Variants in SATB2 observed in about 807,000 individuals in gnomAD.
SATB2 encodes SATB homeobox 2, also known as DNA-binding protein SATB2.
A neutral mutation model predicts 73.4 loss-of-function variants in SATB2; 1 was observed. That is an observed-to-expected ratio of 0.01 (90% CI 0.00 to 0.06). The LOEUF (loss-of-function observed/expected upper bound fraction) is 0.06, where lower values mean the gene tolerates loss of function less well. Ranked by LOEUF, SATB2 falls within the 10% of genes least tolerant of loss-of-function variation. The pLI, the probability that SATB2 is intolerant of heterozygous loss-of-function variation, is 1.00. For missense variants in SATB2, 459 were observed against 945.8 expected (o/e 0.49, Z 6.75); for synonymous variants, 397 against 367.0 (o/e 1.08, Z -0.93).
At chr2:199,386,714 GCGCACACACACACA>G (rs1433283367) in intron 3 of SATB2, among the ~76,000 whole-genome samples, 1,418 of 22,418 alleles carry the variant, frequency 0.063, 15 homozygotes, top group Non-Finnish European at 0.074. Flanking sequence ...GCGCGCGCGC[GCGCACACACACACA>G]CACACACACA....
At chr2:199,288,397 A>T (rs1302838041) in intron 10 of SATB2, among the ~76,000 whole-genome samples, 1 of 152,216 alleles carries the variant, frequency 6.6e-6, no homozygotes, top group African/African-American at 2.4e-5. Flanking sequence ...CAGGGCTTCA[A>T]TTATTTAAGG....
chr2:199,394,176 C>T (rs1032353873), intron 3 of SATB2, among the ~76,000 whole-genome samples: 16 of 152,130 alleles, frequency 1.1e-4, no homozygotes, highest in African/African-American at 3.6e-4. Context: ...TATACCTGCA[C>T]AAATAAGTAA....
intron 8 of SATB2, among the ~76,000 whole-genome samples, chr2:199,327,212 G>C (rs552386673): frequency 1.2e-4 from 18 of 152,240 alleles, no homozygotes; most frequent in Non-Finnish European, 2.1e-4. Context: ...GGCCGAGGTG[G>C]GCAGATTACT....
chr2:199,327,465 C>T (rs1450528693), intron 8 of SATB2, among the ~76,000 whole-genome samples: 2 of 152,010 alleles, frequency 1.3e-5, no homozygotes, highest in Admixed American at 6.6e-5. Flanking sequence ...AAAATTTATA[C>T]CTGTTAAATA....
intron 10 of SATB2, among the ~76,000 whole-genome samples, chr2:199,283,193 C>A (rs1161865932): frequency 1.3e-5 from 2 of 151,238 alleles, no homozygotes; most frequent in African/African-American, 4.9e-5. Flanking sequence ...ACGCCATTCT[C>A]CTGCCTCAGC....
chr2:199,337,804 T>C (rs1294143872), intron 7 of SATB2, among the ~76,000 whole-genome samples: 1 of 152,218 alleles, frequency 6.6e-6, no homozygotes, highest in Non-Finnish European at 1.5e-5. Context: ...TTCTGGCCTT[T>C]AAACTTCCTT....
intron 2 of SATB2, among the ~76,000 whole-genome samples, chr2:199,453,052 G>A (rs932951104): frequency 5.9e-5 from 9 of 151,982 alleles, no homozygotes; most frequent in Admixed American, 4.6e-4. Flanking sequence ...CTAAAGTAAT[G>A]CCCCTTCTTT....
intron 5 of SATB2, among the ~76,000 whole-genome samples, chr2:199,374,687 G>A (rs1161849111): frequency 1.3e-5 from 2 of 152,198 alleles, no homozygotes; most frequent in African/African-American, 2.4e-5. Context: ...TTTCAGGCTA[G>A]GTGCAATGGC....
At chr2:199,446,335 C>T (rs907595667) in intron 2 of SATB2, among the ~76,000 whole-genome samples, 1 of 152,168 alleles carries the variant, frequency 6.6e-6, no homozygotes, top group Non-Finnish European at 1.5e-5. Context: ...AATACCAAAG[C>T]ACTATTTTGC....
intron 2 of SATB2, among the ~76,000 whole-genome samples, chr2:199,453,688 T>C (rs1269868250): frequency 6.6e-6 from 1 of 152,062 alleles, no homozygotes; most frequent in African/African-American, 2.4e-5. Context: ...CATTTGGAAA[T>C]TATATAAACT....
chr2:199,409,269 A>G (rs1244195925), intron 3 of SATB2, among the ~76,000 whole-genome samples: 3 of 143,442 alleles, frequency 2.1e-5, no homozygotes, highest in Non-Finnish European at 4.5e-5. Flanking sequence ...TCCCGGGTTC[A>G]AGCAATTCTC....
At chr2:199,309,094 C>G in intron 9 of SATB2, 137 bp from the exon 10 acceptor site, 1 of 775,446 alleles carries the variant, frequency 1.3e-6, no homozygotes, top group East Asian at 2.7e-5. Context: ...GATAGTGAAA[C>G]AGTCTGACTC....
chr2:199,442,988 T>C (rs574442349), intron 2 of SATB2, among the ~76,000 whole-genome samples: 1 of 151,440 alleles, frequency 6.6e-6, no homozygotes, highest in South Asian at 2.1e-4. Flanking sequence ...CTGTCCTTTG[T>C]TAAGTAAAAT....
At chr2:199,415,279 C>T (rs1690943115) in intron 3 of SATB2, among the ~76,000 whole-genome samples, 1 of 152,142 alleles carries the variant, frequency 6.6e-6, no homozygotes, top group South Asian at 2.1e-4. Flanking sequence ...TGACCAGTGG[C>T]CATGGTCTCA....
chr2:199,305,270 T>C (rs1687397364), intron 10 of SATB2, among the ~76,000 whole-genome samples: 1 of 152,124 alleles, frequency 6.6e-6, no homozygotes, highest in African/African-American at 2.4e-5. Context: ...AACTCTGAGC[T>C]TGGATCACAT....
At chr2:199,440,411 G>A (rs1403000718) in intron 2 of SATB2, among the ~76,000 whole-genome samples, 1 of 152,160 alleles carries the variant, frequency 6.6e-6, no homozygotes, top group South Asian at 2.1e-4. Context: ...TGTTTGAATG[G>A]TTTAGTGTTC....
intron 7 of SATB2, among the ~76,000 whole-genome samples, chr2:199,339,912 T>C (rs767232563): frequency 1.3e-5 from 2 of 152,208 alleles, no homozygotes; most frequent in Non-Finnish European, 2.9e-5. Flanking sequence ...ATTTTCATGT[T>C]ATTGCTACAT....
At chr2:199,421,723 A>C (rs1691176370) in intron 3 of SATB2, among the ~76,000 whole-genome samples, 1 of 152,320 alleles carries the variant, frequency 6.6e-6, no homozygotes, top group South Asian at 2.1e-4. Context: ...TCAATTAGCT[A>C]AAGTTTCCTG....
rs554828150 is a variant in SATB2 at position 199,355,649 on chromosome 2, T to C, written c.701-6476A>G. ...CTAGATGAGTGATCTGAGGATTATCTGTAAAATGGGAAGAATTACCTGTAA... is the reference window on the plus strand; with the variant it reads ...CTAGATGAGTGATCTGAGGATTATCCGTAAAATGGGAAGAATTACCTGTAA... On this transcript the variant is annotated intron_variant, in intron 6 of 10. Transcript: ENST00000417098. Among the ~76,000 whole-genome samples the C allele has an allele frequency of 5.3e-5, 8 of 152,174 alleles. No individual in the cohort carries two copies. The South Asian group carries it at 1.7e-3, about 32-fold the overall frequency.
Sources: allele counts gnomAD v4.1 joint callset (sites outside exome capture counted in the v4.1 genomes callset), GRCh38; gene constraint gnomAD v4.1.1; transcripts MANE v1.5; gene names NCBI Gene and HGNC (gene_info 2026-07-23, HGNC 2026-07-21).